The following SLC3A2 variants were observed in gnomAD, a reference collection of about 807,000 sequenced individuals.
SLC3A2 encodes solute carrier family 3 member 2, also known as amino acid transporter heavy chain SLC3A2.
SLC3A2 carries 32 observed loss-of-function variants against 48.5 expected under a neutral mutation model. That is an observed-to-expected ratio of 0.66 (90% CI 0.50 to 0.89). The LOEUF (loss-of-function observed/expected upper bound fraction) is 0.89, where lower values mean the gene tolerates loss of function less well. SLC3A2 is among the 40% of genes least tolerant of loss of function. The pLI, the probability that SLC3A2 is intolerant of heterozygous loss-of-function variation, is 0.00. For synonymous variants in SLC3A2, 277 were observed against 288.8 expected (o/e 0.96, Z 0.41); for missense variants, 587 against 680.7 (o/e 0.86, Z 1.53).
chr11:62,888,548 TGCCTGCCAGCGCCA>T lies in SLC3A2; in HGVS notation c.1456_1469del (p.Ala486GlnfsTer3). 1.2e-6 allele frequency: 2 copies of T among 1,614,128 alleles called. No homozygotes were observed. The highest frequency in any genetic ancestry group is 1.1e-5 in the South Asian group (1 of 91,088). ...TCGGCTGGACTGCAGGCCTCCGACC[TGCCTGCCAGCGCCA>T]GCCTGCCAGCCAAGGCTGACCTCCT... On this transcript the variant is annotated frameshift_variant, in exon 9 of 9. Transcript: ENST00000338663. LOFTEE classifies it low-confidence loss of function (END_TRUNC).
chr11:62,868,589 TCTC>T (rs2085478154), intron 1 of SLC3A2, among the ~76,000 whole-genome samples: 1 of 151,832 alleles, frequency 6.6e-6, no homozygotes, highest in African/African-American at 2.4e-5. Flanking sequence ...ATGGTGTTGA[TCTC>T]CTCACCTCGT....
exon 1 of SLC3A2, chr11:62,856,156 A>T: frequency 1.3e-6 from 1 of 771,010 alleles, no homozygotes. Flanking sequence ...AGGAGCGGTG[A>T]GATCACTGCC....
At chr11:62,872,489 T>C (rs1429039660) in intron 1 of SLC3A2, among the ~76,000 whole-genome samples, 1 of 152,172 alleles carries the variant, frequency 6.6e-6, no homozygotes, top group East Asian at 1.9e-4. Context: ...CACTCCAGCC[T>C]GGGCAACAGA....
At chr11:62,879,730 C>T (rs2085608897), upstream of SLC3A2, among the ~76,000 whole-genome samples, 5 of 152,246 alleles carry the variant, frequency 3.3e-5, no homozygotes, top group Admixed American at 3.3e-4. Flanking sequence ...AACCGATTTC[C>T]TCCAGCTCCT....
chr11:62,885,629 G>T (rs1385280808), intron 7 of SLC3A2, 21 bp downstream of exon 7: 1 of 1,613,256 alleles, frequency 6.2e-7, no homozygotes, highest in South Asian at 1.1e-5. Context: ...CTGTCTTTCT[G>T]TCACAGGGAG....
chr11:62,884,745 G>A (rs1157076250), intron 5 of SLC3A2, 55 bp downstream of exon 5: 19 of 1,453,836 alleles, frequency 1.3e-5, no homozygotes, highest in Non-Finnish European at 1.8e-5. Context: ...CCCCTCAGTG[G>A]AGTGCTAGGC....
chr11:62,882,243 C>T, intron 2 of SLC3A2, 177 bp downstream of exon 2: 2 of 706,276 alleles, frequency 2.8e-6, no homozygotes, highest in South Asian at 3.9e-5. Flanking sequence ...TGGGGGCTTT[C>T]TACTTGGCTG....
intron 1 of SLC3A2, among the ~76,000 whole-genome samples, chr11:62,862,850 A>G (rs2085416224): frequency 6.6e-6 from 1 of 152,230 alleles, no homozygotes. Context: ...CACTGCCTCA[A>G]TTAATAGAGG....
intron 1 of SLC3A2, among the ~76,000 whole-genome samples, chr11:62,865,099 C>T (rs557127076): frequency 1.2e-4 from 18 of 152,268 alleles, no homozygotes; most frequent in Admixed American, 3.3e-4. Context: ...TGCCCAAAAT[C>T]CTCAAAGTGT....
At chr11:62,874,254 T>C (rs966578151) in intron 1 of SLC3A2, among the ~76,000 whole-genome samples, 2 of 152,084 alleles carry the variant, frequency 1.3e-5, no homozygotes, top group African/African-American at 4.8e-5. Flanking sequence ...CTTATCTTTT[T>C]TGATGAGATT....
At position 62,888,351 on chromosome 11, in the gene SLC3A2, C is replaced by G. The variant is rs780306680; in HGVS notation, c.1248C>G (p.Gly416=). The stretch of plus-strand genomic sequence containing the variant: ...CTTAGGGCCAGAGTGAAGACCCTGG[C>G]TCCCTCCTTTCCTTGTTCCGGCGGC... ...MTVKGQSEDP[G]SLLSLFRRLS... The change falls in exon 9 of 9, where the codon GGC becomes GGG. Residue 416 remains glycine (G), a synonymous_variant. Transcript: ENST00000338663. 13 of 1,614,094 alleles carry G rather than the reference C, an allele frequency of 8.1e-6. No individual in the cohort carries two copies. In the Admixed American group the frequency reaches 2.2e-4, roughly 27 times the overall value.
At chr11:62,885,738 G>A in intron 7 of SLC3A2, 130 bp downstream of exon 7, 1 of 1,004,954 alleles carries the variant, frequency 1.0e-6, no homozygotes. Flanking sequence ...GTAGCTGAGT[G>A]GCTATGTGGC....
In SLC3A2 at chr11:62,888,788, G is replaced by A. The variant is rs1802911; in HGVS notation, c.*95G>A. ...TTTTTTAAAAACAAACAAACAAACT[G>A]TTGCAGATTATGAGTGAACCCCCAA... On this transcript the variant is annotated 3_prime_UTR_variant, in exon 9 of 9. Transcript: ENST00000338663. 2 of 1,256,932 alleles carry A rather than the reference G, an allele frequency of 1.6e-6. No individual in the cohort carries two copies. The highest frequency in any genetic ancestry group is 4.8e-5 in the East Asian group (2 of 41,946). 77.9% of individuals were successfully genotyped at this position (1,256,932 alleles called of 1,614,324 possible).
chr11:62,881,841 G>A lies in SLC3A2; in HGVS notation c.425-52G>A. On this transcript the variant is annotated intron_variant, in intron 1 of 8. Transcript: ENST00000338663. This position sits in a 1 kb window ranked among gnomAD's most constrained non-coding sequence, Gnocchi z 4.0. ...GCGCTGGGAGAAGGGAGGGTGGGGA[G>A]GTCAGGGGCCTCTCAGAGGGGCCTC... is the stretch of plus-strand genomic sequence containing the variant. 8 of 1,593,976 alleles carry A rather than the reference G, an allele frequency of 5.0e-6. No individual in the cohort carries two copies. Among genetic ancestry groups the A allele is most frequent in the Non-Finnish European group, 6.0e-6 (7 of 1,165,932 alleles).
chr11:62,881,567 T>A lies in SLC3A2; in HGVS notation c.424+120T>A. 7.4e-7 allele frequency: 1 copy of A among 1,348,794 alleles called. No homozygotes were observed. The allele number at this position is 1,348,794 out of a possible 1,614,324, so 83.6% of individuals were successfully genotyped here. ...CTTCCCTCCATCCCGTACCGACGAC[T>A]GTTCCCCCTTCCCCCACCCCCTCCC... On this transcript the variant is annotated intron_variant, in intron 1 of 8. Coordinates refer to ENST00000338663, the MANE Select transcript of SLC3A2 (RefSeq NM_001013251.3). The surrounding 1 kb of genome is among the most constrained non-coding windows in gnomAD (Gnocchi z 4.0).
chr11:62,878,917 C>A (rs529180201), upstream of SLC3A2, among the ~76,000 whole-genome samples: 1 of 151,392 alleles, frequency 6.6e-6, no homozygotes, highest in Non-Finnish European at 1.5e-5. Context: ...GGACTACAGG[C>A]GTGTGCTACT....
chr11:62,882,675 A>G (rs2085658070), intron 2 of SLC3A2: 4 of 472,508 alleles, frequency 8.5e-6, no homozygotes, highest in East Asian at 7.7e-5. Context: ...AGTAGAGACA[A>G]TTTTCAACAT....
rs368557835 is a variant in SLC3A2, at chr11:62,888,516, G to A, written c.1413G>A (p.Val471=). 13 of 1,614,082 alleles carry A rather than the reference G, an allele frequency of 8.1e-6. No individual in the cohort carries two copies. Among genetic ancestry groups the A allele is most frequent in the Middle Eastern group, 1.6e-4 (1 of 6,084 alleles). Residue 471 remains valine, a synonymous_variant, in exon 9 of 9, where the codon GTG becomes GTA. Transcript: ENST00000338663. The part of the protein sequence containing the change: ...RFLVVLNFGD[V]GLSAGLQASD... ...TGGTAGTGCTTAACTTTGGGGATGTGGGCCTCTCGGCTGGACTGCAGGCCT... is the reference window on the plus strand; with the variant it reads ...TGGTAGTGCTTAACTTTGGGGATGTAGGCCTCTCGGCTGGACTGCAGGCCT...
At chr11:62,882,625 C>T (rs1319379495) in intron 2 of SLC3A2, 2 of 373,900 alleles carry the variant, frequency 5.3e-6, no homozygotes, top group Non-Finnish European at 1.0e-5. Flanking sequence ...GCTGGTACTA[C>T]AGCCGTGTGC....
Sources: gnomAD v4.1 joint callset for allele counts (sites outside exome capture counted in the v4.1 genomes callset) on GRCh38, gnomAD v4.1.1 for gene constraint, Gnocchi (gnomAD v3.1) non-coding constraint, MANE v1.5 for transcripts, NCBI Gene and HGNC (gene_info 2026-07-23, HGNC 2026-07-21) for gene names.